Variants in ZNF653 observed in about 807,000 individuals in gnomAD.
ZNF653 encodes 67 kDa zinc finger protein.
Under a neutral mutation model 59.9 loss-of-function variants are expected in ZNF653, and 37 were observed. The ratio of observed to expected loss-of-function variants is 0.62; its 90% confidence interval spans 0.48 to 0.81. The LOEUF (loss-of-function observed/expected upper bound fraction) is 0.81, where lower values mean the gene tolerates loss of function less well. ZNF653 is among the 40% of genes least tolerant of loss of function. The probability of loss-of-function intolerance (pLI) is 0.00; values close to 1 mark genes in which losing one functional copy is unlikely to be tolerated. For synonymous variants in ZNF653, 435 were observed against 371.8 expected (o/e 1.17, Z -1.96); for missense variants, 808 against 881.1 (o/e 0.92, Z 1.05).
intron 1 of ZNF653, among the ~76,000 whole-genome samples, chr19:11,502,161 G>A (rs1194044124): frequency 6.6e-6 from 1 of 151,354 alleles, no homozygotes; most frequent in Non-Finnish European, 1.5e-5. Flanking sequence ...GCGCGATCTC[G>A]GCTCACTGCA....
intron 3 of ZNF653, among the ~76,000 whole-genome samples, chr19:11,490,800 C>G (rs1002811796): frequency 6.6e-6 from 1 of 152,148 alleles, no homozygotes; most frequent in Non-Finnish European, 1.5e-5. Context: ...CATTGGCCCC[C>G]TAAGAGTGTC....
chr19:11,487,792 G>A lies in ZNF653; in HGVS notation c.671C>T (p.Ala224Val). The A allele has an allele frequency of 6.2e-7, 1 of 1,606,708 alleles. No individual in the cohort carries two copies. The highest frequency in any genetic ancestry group is 2.2e-5 in the East Asian group (1 of 44,822). ...GCCCACCGGGCTGGTGGGCGTCGCT[G>A]CCGCTGCCGCTGCCGCAGCCTTGAC... is the stretch of plus-strand genomic sequence containing the variant. ...QPVKAAAAAA[A>V]ATPTSPVGSS... The change falls in exon 4 of 9, where the codon GCA (alanine) becomes GTA (valine). Residue 224 changes from alanine to valine, a missense_variant. Physicochemically the swap from Ala to Val is moderately conservative, Grantham distance 64. Coordinates refer to ENST00000293771, the MANE Select transcript of ZNF653 (RefSeq NM_138783.4). This position sits in a 1 kb window ranked among gnomAD's most constrained non-coding sequence, Gnocchi z 5.1.
At chr19:11,491,383 C>T (rs576622808) in intron 3 of ZNF653, among the ~76,000 whole-genome samples, 3 of 152,276 alleles carry the variant, frequency 2.0e-5, no homozygotes, top group Admixed American at 2.0e-4. Flanking sequence ...AACCTGGGTC[C>T]AGGGATGAAA....
At chr19:11,494,649 T>C (rs183577167) in intron 3 of ZNF653, among the ~76,000 whole-genome samples, 19 of 151,970 alleles carry the variant, frequency 1.3e-4, no homozygotes, top group Admixed American at 5.9e-4. Context: ...GATCGCGCCA[T>C]TGCACTCCAG....
chr19:11,486,457 T>G (rs1244056073), intron 6 of ZNF653, among the ~76,000 whole-genome samples: 1 of 152,228 alleles, frequency 6.6e-6, no homozygotes, highest in Non-Finnish European at 1.5e-5. Flanking sequence ...TCTGTGGGCC[T>G]GGAACAGGCA....
At chr19:11,502,864 T>A (rs922728990) in intron 1 of ZNF653, among the ~76,000 whole-genome samples, 1 of 151,120 alleles carries the variant, frequency 6.6e-6, no homozygotes, top group Non-Finnish European at 1.5e-5. Context: ...CGAAACCCCG[T>A]CTCTACTAAA....
At chr19:11,485,116 T>C (rs909975533) in intron 7 of ZNF653, among the ~76,000 whole-genome samples, 1 of 151,834 alleles carries the variant, frequency 6.6e-6, no homozygotes, top group African/African-American at 2.4e-5. Flanking sequence ...CCTCCTGTGA[T>C]ATCAGAAGCT....
At position 11,483,455 on chromosome 19, in the gene ZNF653, T is replaced by C; in HGVS notation, c.*227A>G. Reference sequence around the variant, plus strand: ...CCTTTCTCGCTCTTTAATCTCACTCTGCTCTCTTGACACAGTTCCAGCAAT... The same window carrying C: ...CCTTTCTCGCTCTTTAATCTCACTCCGCTCTCTTGACACAGTTCCAGCAAT... On this transcript the variant is annotated 3_prime_UTR_variant, in exon 9 of 9. Transcript: ENST00000293771. 7.4e-7 allele frequency: 1 copy of C among 1,359,752 alleles called. No homozygotes were observed. Among genetic ancestry groups the C allele is most frequent in the South Asian group, 1.7e-5 (1 of 59,014 alleles). The allele number at this position is 1,359,752 out of a possible 1,614,324, so 84.2% of individuals were successfully genotyped here.
intron 6 of ZNF653, 63 bp from the exon 7 acceptor site, chr19:11,485,833 G>A (rs749447287): frequency 1.9e-5 from 25 of 1,325,226 alleles, no homozygotes; most frequent in Non-Finnish European, 2.5e-5. Context: ...GGGAGGTGGG[G>A]AGAGATGAGG....
Position 11,483,464 on chromosome 19 carries a change from G to GAC in ZNF653, c.*216_*217dup. On this transcript the variant is annotated 3_prime_UTR_variant, in exon 9 of 9. Coordinates refer to ENST00000293771, the MANE Select transcript of ZNF653 (RefSeq NM_138783.4). The stretch of plus-strand genomic sequence containing the variant: ...CTCTTTAATCTCACTCTGCTCTCTT[G>GAC]ACACAGTTCCAGCAATGCAGCCCCA... 7.3e-7 allele frequency: 1 copy of GAC among 1,375,810 alleles called. No homozygotes were observed. Among genetic ancestry groups the GAC allele is most frequent in the Non-Finnish European group, 9.4e-7 (1 of 1,066,168 alleles). The allele number at this position is 1,375,810 out of a possible 1,614,324, so 85.2% of individuals were successfully genotyped here. A position where few individuals can be genotyped will look rare whatever the true frequency, so the allele number is the denominator to read the frequency against.
intron 3 of ZNF653, among the ~76,000 whole-genome samples, chr19:11,490,458 CT>C (rs1204661129): frequency 6.6e-6 from 1 of 152,190 alleles, no homozygotes; most frequent in African/African-American, 2.4e-5. Context: ...ACAATCTCGG[CT>C]CACTGCAACC....
At chr19:11,496,975 T>C (rs1029956557) in intron 2 of ZNF653, among the ~76,000 whole-genome samples, 1 of 152,184 alleles carries the variant, frequency 6.6e-6, no homozygotes, top group Non-Finnish European at 1.5e-5. Context: ...CCACATGGCC[T>C]CCTCGCTGTT....
At chr19:11,497,396 T>A (rs1307625254) in intron 2 of ZNF653, among the ~76,000 whole-genome samples, 2 of 152,192 alleles carry the variant, frequency 1.3e-5, no homozygotes, top group Non-Finnish European at 2.9e-5. Flanking sequence ...TGGGTTTGAA[T>A]CCTGGCTCTG....
At position 11,483,633 on chromosome 19, in the gene ZNF653, G is replaced by A; in HGVS notation, c.*49C>T. The A allele has an allele frequency of 2.5e-6, 4 of 1,587,768 alleles. No individual in the cohort carries two copies. Among genetic ancestry groups the A allele is most frequent in the Non-Finnish European group, 3.4e-6 (4 of 1,160,896 alleles). On this transcript the variant is annotated 3_prime_UTR_variant, in exon 9 of 9. Transcript: ENST00000293771. The stretch of plus-strand genomic sequence containing the variant: ...TGTCCAGGCCCCGGCAAGCCCGGGC[G>A]TGGTGTCCGAGCGGACGAATAAATA...
chr19:11,487,936 T>C lies in ZNF653; in HGVS notation c.560-33A>G, dbSNP rs1456843917. ...GACAGAAGAAAGGGAGTGGTTATGA[T>C]AGCTGCAGCCACTGGTATTTGTTTA... On this transcript the variant is annotated intron_variant, in intron 3 of 8. Transcript: ENST00000293771. The surrounding 1 kb of genome is among the most constrained non-coding windows in gnomAD (Gnocchi z 5.1). 2 of 1,506,166 alleles carry C rather than the reference T, an allele frequency of 1.3e-6. No homozygotes were observed. Among genetic ancestry groups the C allele is most frequent in the East Asian group, 4.7e-5 (2 of 42,700 alleles). The allele number at this position is 1,506,166 out of a possible 1,614,324, so 93.3% of individuals were successfully genotyped here.
In ZNF653 at chr19:11,505,490, G is replaced by C; in HGVS notation, c.297C>G (p.His99Gln). ...CCCTCGGGGCCAGGCCCCCTCACCC[G>C]TGGCGGCCGCTCCGCTGGCCGCGCT... ...SLERGQRSGR[H>Q]GKPWEQVPKK... Residue 99 changes from histidine to glutamine, a missense_variant and splice_region_variant, in exon 1 of 9, where the codon CAC becomes CAG. Coordinates refer to ENST00000293771, the MANE Select transcript of ZNF653 (RefSeq NM_138783.4). 4.0e-6 allele frequency: 6 copies of C among 1,484,382 alleles called. No homozygotes were observed. Among genetic ancestry groups the C allele is most frequent in the Non-Finnish European group, 5.3e-6 (6 of 1,129,814 alleles). 92.0% of individuals were successfully genotyped at this position (1,484,382 alleles called of 1,614,324 possible).
At position 11,485,830 on chromosome 19, in the gene ZNF653, G is replaced by A. The variant is rs186407237; in HGVS notation, c.1456-60C>T. ...GCCCACAGAAGGGGCTCTGGGAGGT[G>A]GGGAGAGATGAGGGCAGCTGGAAGG... On this transcript the variant is annotated intron_variant, in intron 6 of 8. Transcript: ENST00000293771. 5.1e-6 allele frequency: 7 copies of A among 1,367,522 alleles called. No individual in the cohort carries two copies. The East Asian group carries it at 1.6e-4, about 31-fold the overall frequency. 84.7% of individuals were successfully genotyped at this position (1,367,522 alleles called of 1,614,324 possible).
At chr19:11,486,958 C>G in intron 5 of ZNF653, 29 bp downstream of exon 5, 1 of 1,612,288 alleles carries the variant, frequency 6.2e-7, no homozygotes. Context: ...CTAGCCCTCG[C>G]CCTCACCCTT....
rs1333979952 is a variant in ZNF653, at chr19:11,483,615, G to A, written c.*67C>T. On this transcript the variant is annotated 3_prime_UTR_variant, in exon 9 of 9. Coordinates refer to ENST00000293771, the MANE Select transcript of ZNF653 (RefSeq NM_138783.4). ...CCGGGCGGCCCTCGCAGCTGTCCAG[G>A]CCCCGGCAAGCCCGGGCGTGGTGTC... 3 of 1,563,898 alleles carry A rather than the reference G, an allele frequency of 1.9e-6. No individual in the cohort carries two copies. The highest frequency in any genetic ancestry group is 4.6e-5 in the East Asian group (2 of 43,766).
Sources: gnomAD v4.1 joint callset for allele counts (sites outside exome capture counted in the v4.1 genomes callset) on GRCh38, gnomAD v4.1.1 for gene constraint, Gnocchi (gnomAD v3.1) non-coding constraint, MANE v1.5 for transcripts, NCBI Gene and HGNC (gene_info 2026-07-23, HGNC 2026-07-21) for gene names.